Variants in TAMM41 observed in about 807,000 individuals in gnomAD.
TAMM41 encodes the protein TAM41 mitochondrial translocator assembly and maintenance homolog.
A neutral mutation model predicts 44.1 loss-of-function variants in TAMM41; 36 were observed. That is an observed-to-expected ratio of 0.82 (90% CI 0.63 to 1.08). TAMM41 has a LOEUF of 1.08. Among genes scored for constraint, TAMM41 ranks in the 50% least tolerant of loss-of-function variants. The probability of loss-of-function intolerance (pLI) is 0.00; values close to 1 mark genes in which losing one functional copy is unlikely to be tolerated. For synonymous variants in TAMM41, 164 were observed against 153.1 expected (o/e 1.07, Z -0.53); for missense variants, 417 against 404.3 (o/e 1.03, Z -0.27).
chr3:11,753,815 T>C, the TAMM41 span, among the ~76,000 whole-genome samples: 1 of 151,950 alleles, frequency 6.6e-6, no homozygotes, highest in African/African-American at 2.4e-5. Context: ...AGGAGTGTGC[T>C]TGGTGCACCC....
At chr3:11,838,650 C>T (rs570514908) in intron 3 of TAMM41, among the ~76,000 whole-genome samples, 1 of 152,332 alleles carries the variant, frequency 6.6e-6, no homozygotes, top group Non-Finnish European at 1.5e-5. Flanking sequence ...CCGGGCATGT[C>T]ACCCTCCCAG....
intron 7 of TAMM41, among the ~76,000 whole-genome samples, chr3:11,805,089 C>T (rs2077867669): frequency 6.7e-6 from 1 of 150,260 alleles, no homozygotes; most frequent in Admixed American, 6.6e-5. Context: ...CTGCAACTTC[C>T]GCCTCCCAGG....
rs367985079 is a variant in TAMM41, at chr3:11,813,944, A to G, written c.708+3248T>C. On this transcript the variant is annotated intron_variant, in intron 5 of 7. Transcript: ENST00000455809. ...TGTATATATGTGTGTATATATGTGT[A>G]TATATATGTATATATACATATACAC... 4.1e-4 allele frequency among the ~76,000 whole-genome samples: 61 copies of G among 148,668 alleles called. 1 individual carries two copies. Among genetic ancestry groups the G allele is most frequent in the African/African-American group, 1.4e-3 (58 of 40,314 alleles).
At chr3:11,820,715 A>G (rs539468538) in intron 4 of TAMM41, among the ~76,000 whole-genome samples, 1 of 152,340 alleles carries the variant, frequency 6.6e-6, no homozygotes, top group South Asian at 2.1e-4. Flanking sequence ...ATAACAATCA[A>G]TTTTTCTTAC....
At chr3:11,760,300 C>T in the TAMM41 span, among the ~76,000 whole-genome samples, 2 of 152,186 alleles carry the variant, frequency 1.3e-5, no homozygotes, top group Non-Finnish European at 2.9e-5. Context: ...CCCTGGAGGC[C>T]TCCTAAAATC....
chr3:11,829,261 C>T (rs2078884431), intron 4 of TAMM41, among the ~76,000 whole-genome samples: 1 of 152,144 alleles, frequency 6.6e-6, no homozygotes, highest in Non-Finnish European at 1.5e-5. Context: ...CTACCTCAAA[C>T]CTATTAAATC....
chr3:11,800,930 A>T (rs2077734285), intron 7 of TAMM41, among the ~76,000 whole-genome samples: 1 of 152,106 alleles, frequency 6.6e-6, no homozygotes, highest in Non-Finnish European at 1.5e-5. Flanking sequence ...AAAAAATAAG[A>T]TTAAAAATAA....
At chr3:11,770,824 A>C in the TAMM41 span, among the ~76,000 whole-genome samples, 2 of 152,154 alleles carry the variant, frequency 1.3e-5, no homozygotes, top group Non-Finnish European at 2.9e-5. Context: ...CAAGATAGTG[A>C]AAACTATGCA....
chr3:11,746,773 T>G, the TAMM41 span, among the ~76,000 whole-genome samples: 1 of 152,188 alleles, frequency 6.6e-6, no homozygotes, highest in East Asian at 1.9e-4. Context: ...TAGCCGGGAC[T>G]ACAGGTGCAC....
intron 4 of TAMM41, among the ~76,000 whole-genome samples, chr3:11,818,834 C>T (rs1575659638): frequency 6.7e-6 from 1 of 148,534 alleles, no homozygotes; most frequent in East Asian, 2.0e-4. Flanking sequence ...GGAGGCAGAG[C>T]TTGCAGTGAG....
the TAMM41 span, among the ~76,000 whole-genome samples, chr3:11,723,478 G>A: frequency 6.6e-6 from 1 of 151,828 alleles, no homozygotes; most frequent in South Asian, 2.1e-4. Flanking sequence ...CTACTTGGGA[G>A]GCTGACATGG....
intron 2 of TAMM41, chr3:11,843,825 A>G (rs74455976): frequency 1.5e-4 from 86 of 570,084 alleles, no homozygotes; most frequent in African/African-American, 1.4e-3. Context: ...TCTGTCCCCA[A>G]GTTCAAGACG....
chr3:11,752,981 G>A, the TAMM41 span, among the ~76,000 whole-genome samples: 4 of 151,966 alleles, frequency 2.6e-5, no homozygotes, highest in Non-Finnish European at 4.4e-5. Context: ...CACAGTGGGG[G>A]ATGTTGAGAG....
chr3:11,731,443 C>T, the TAMM41 span, among the ~76,000 whole-genome samples: 4 of 151,898 alleles, frequency 2.6e-5, no homozygotes, highest in Admixed American at 6.6e-5. Flanking sequence ...TGCAGTGAGC[C>T]GTGATGGTGC....
the TAMM41 span, among the ~76,000 whole-genome samples, chr3:11,732,989 G>GTTTTTTTT: frequency 7.8e-5 from 10 of 128,476 alleles, no homozygotes; most frequent in African/African-American, 2.1e-4. Context: ...TATGATTTGA[G>GTTTTTTTT]TTTTTTTTTT....
At chr3:11,724,094 T>A in the TAMM41 span, among the ~76,000 whole-genome samples, 2 of 151,410 alleles carry the variant, frequency 1.3e-5, no homozygotes, top group Non-Finnish European at 2.9e-5. Flanking sequence ...TTTATATTTT[T>A]ATTTATTTAT....
At chr3:11,773,207 T>C in the TAMM41 span, among the ~76,000 whole-genome samples, 3 of 152,030 alleles carry the variant, frequency 2.0e-5, no homozygotes, top group Non-Finnish European at 2.9e-5. Context: ...TTCACCTGCC[T>C]CAGCTTCCCA....
the TAMM41 span, among the ~76,000 whole-genome samples, chr3:11,759,505 C>T: frequency 2.0e-5 from 3 of 152,118 alleles, no homozygotes; most frequent in South Asian, 2.1e-4. Context: ...GATGTCCTCA[C>T]GTGTAACACT....
intron 7 of TAMM41, among the ~76,000 whole-genome samples, chr3:11,792,489 G>C (rs959645811): frequency 3.9e-5 from 6 of 152,182 alleles, no homozygotes; most frequent in African/African-American, 1.4e-4. Context: ...AAAATCTACT[G>C]TGTGTGTGCG....
Sources: gnomAD v4.1 joint callset for allele counts (sites outside exome capture counted in the v4.1 genomes callset) on GRCh38, gnomAD v4.1.1 for gene constraint, MANE v1.5 for transcripts, NCBI Gene and HGNC (gene_info 2026-07-23, HGNC 2026-07-21) for gene names.